The following SEMA6D variants were observed in gnomAD, a reference collection of about 807,000 sequenced individuals.
The protein encoded by SEMA6D is semaphorin 6D, also known as semaphorin-6D.
SEMA6D carries 35 observed loss-of-function variants against 106.6 expected under a neutral mutation model. That is an observed-to-expected ratio of 0.33 (90% CI 0.25 to 0.44). The LOEUF is 0.44. Among genes scored for constraint, SEMA6D ranks in the 20% least tolerant of loss-of-function variants. The pLI, the probability that SEMA6D is intolerant of heterozygous loss-of-function variation, is 1.00. For synonymous variants in SEMA6D, 499 were observed against 487.7 expected (o/e 1.02, Z -0.31); for missense variants, 1,185 against 1,345.9 (o/e 0.88, Z 1.87).
At chr15:47,201,824 T>C (rs1329823483) in intron 1 of SEMA6D, among the ~76,000 whole-genome samples, 1 of 152,110 alleles carries the variant, frequency 6.6e-6, no homozygotes, top group East Asian at 1.9e-4. Context: ...GTTGGTCTCT[T>C]ATTCAAGATA....
At chr15:47,721,049 G>A (rs1170772144) in intron 1 of SEMA6D, among the ~76,000 whole-genome samples, 1 of 152,186 alleles carries the variant, frequency 6.6e-6, no homozygotes, top group African/African-American at 2.4e-5. Flanking sequence ...ATGCCAACTA[G>A]GCAGTATTTA....
At chr15:47,730,038 AT>A (rs2080013943) in intron 1 of SEMA6D, 1 of 604,098 alleles carries the variant, frequency 1.7e-6, no homozygotes, top group South Asian at 2.1e-5. Flanking sequence ...CCTTAATGCT[AT>A]GTTTATCTTC....
At chr15:47,214,655 C>A (rs1338470445) in intron 1 of SEMA6D, among the ~76,000 whole-genome samples, 1 of 152,270 alleles carries the variant, frequency 6.6e-6, no homozygotes, top group Middle Eastern at 3.4e-3. Flanking sequence ...TCTTTGGACT[C>A]TCTAATCTTT....
chr15:47,415,393 C>T (rs149236023), intron 2 of SEMA6D, among the ~76,000 whole-genome samples: 172 of 152,198 alleles, frequency 1.1e-3, no homozygotes, highest in Non-Finnish European at 1.1e-3. Context: ...GAAAGGGTCT[C>T]TGGGACTGAT....
rs199997323 is a variant in SEMA6D, at chr15:47,764,102, T to C, written c.965+35T>C. 1.8e-5 allele frequency: 29 copies of C among 1,613,026 alleles called. No individual in the cohort carries two copies. The East Asian group carries it at 6.5e-4, about 36-fold the overall frequency. ...GAACCCCGGCACTGCAAAGATATTC[T>C]CTGCATGCCTGTCAGAACCAAGACA... is the stretch of plus-strand genomic sequence containing the variant. On this transcript the variant is annotated intron_variant, in intron 10 of 18. Coordinates refer to ENST00000536845, the MANE Select transcript of SEMA6D (RefSeq NM_001358351.3).
intron 3 of SEMA6D, among the ~76,000 whole-genome samples, chr15:47,492,267 TAGAGAA>T (rs1413542497): frequency 6.6e-6 from 1 of 152,140 alleles, no homozygotes; most frequent in East Asian, 1.9e-4. Context: ...GAAATTGAGA[TAGAGAA>T]AAAGAACAGA....
At chr15:47,576,354 G>C (rs1167058983) in intron 3 of SEMA6D, among the ~76,000 whole-genome samples, 1 of 152,226 alleles carries the variant, frequency 6.6e-6, no homozygotes. Flanking sequence ...GGGAGTGGGG[G>C]CTAGAGCAGG....
chr15:47,765,564 A>C (rs2082291262), intron 13 of SEMA6D: 2 of 624,436 alleles, frequency 3.2e-6, no homozygotes, highest in Non-Finnish European at 4.2e-6. Context: ...AACACAGGAA[A>C]ATTTATATGC....
At position 47,530,375 on chromosome 15, in the gene SEMA6D, A is replaced by G. The variant is rs2142053530; in HGVS notation, c.-87+59830A>G. On this transcript the variant is annotated intron_variant, in intron 3 of 19. Transcript: ENST00000558014. ...TGCATTAATAGATTTCATTCTGAAT[A>G]CCACATACTGGAATTTAAAACAACA... is the stretch of plus-strand genomic sequence containing the variant. 2.0e-5 allele frequency among the ~76,000 whole-genome samples: 3 copies of G among 152,380 alleles called. No individual in the cohort carries two copies. In the East Asian group the frequency reaches 5.8e-4, roughly 29 times the overall value.
At chr15:47,344,935 A>C (rs1392106534) in intron 1 of SEMA6D, among the ~76,000 whole-genome samples, 1 of 152,224 alleles carries the variant, frequency 6.6e-6, no homozygotes, top group African/African-American at 2.4e-5. Context: ...ATTGATATAA[A>C]AAGTTAAAGC....
chr15:47,273,796 A>T (rs2034673767), intron 1 of SEMA6D, among the ~76,000 whole-genome samples: 1 of 152,204 alleles, frequency 6.6e-6, no homozygotes, highest in Non-Finnish European at 1.5e-5. Flanking sequence ...CTGGCTTACC[A>T]TATCATGGCA....
At chr15:47,729,521 G>A (rs1243237195) in intron 1 of SEMA6D, among the ~76,000 whole-genome samples, 2 of 152,192 alleles carry the variant, frequency 1.3e-5, no homozygotes, top group African/African-American at 4.8e-5. Flanking sequence ...GATGGCAGGG[G>A]CAGTTGGGCC....
chr15:47,730,314 C>A (rs762147960), intron 1 of SEMA6D: 4 of 1,506,992 alleles, frequency 2.7e-6, no homozygotes, highest in Non-Finnish European at 3.6e-6. Flanking sequence ...CCTTTGTCTT[C>A]CGAGTTCACC....
At chr15:47,477,102 G>C (rs1393005451) in intron 3 of SEMA6D, among the ~76,000 whole-genome samples, 1 of 152,090 alleles carries the variant, frequency 6.6e-6, no homozygotes, top group Non-Finnish European at 1.5e-5. Flanking sequence ...TCACAAACTG[G>C]ATATTTTTTT....
intron 1 of SEMA6D, among the ~76,000 whole-genome samples, chr15:47,257,981 C>G (rs1315065023): frequency 6.6e-6 from 1 of 152,098 alleles, no homozygotes; most frequent in Non-Finnish European, 1.5e-5. Context: ...ATTGATTAAT[C>G]ATTTTATCAT....
At chr15:47,206,007 AC>A (rs1201320068) in intron 1 of SEMA6D, among the ~76,000 whole-genome samples, 2 of 152,288 alleles carry the variant, frequency 1.3e-5, no homozygotes, top group East Asian at 3.9e-4. Context: ...ACACAACTGT[AC>A]CTTTTCTTCT....
At chr15:47,611,148 T>C (rs933302975) in intron 4 of SEMA6D, among the ~76,000 whole-genome samples, 76 of 141,658 alleles carry the variant, frequency 5.4e-4, no homozygotes, top group African/African-American at 1.8e-3. Context: ...CCGTCCTACA[T>C]ACACACACAC....
rs1003150217 is a variant in SEMA6D at position 47,773,879 on chromosome 15, A to G, written c.*2094A>G. 1 of 152,642 alleles carries G rather than the reference A, an allele frequency of 6.6e-6. No individual in the cohort carries two copies. The highest frequency in any genetic ancestry group is 2.4e-5 in the African/African-American group (1 of 41,456). The allele number at this position is 152,642 out of a possible 1,614,324, so 9.5% of individuals were successfully genotyped here. On this transcript the variant is annotated 3_prime_UTR_variant, in exon 19 of 19. Transcript: ENST00000536845. ...GTGTGTAAAACAGAACAGTAACTCT[A>G]TGTGACCCCAGATAACATTTTGTAA...
chr15:47,647,032 C>A (rs1411092572), intron 4 of SEMA6D, among the ~76,000 whole-genome samples: 3 of 152,138 alleles, frequency 2.0e-5, no homozygotes, highest in Non-Finnish European at 4.4e-5. Flanking sequence ...TTGAGGTTTT[C>A]TTTTTTTCTT....
Sources: allele counts gnomAD v4.1 joint callset (sites outside exome capture counted in the v4.1 genomes callset), GRCh38; gene constraint gnomAD v4.1.1; transcripts MANE v1.5; gene names NCBI Gene and HGNC (gene_info 2026-07-23, HGNC 2026-07-21).